Variants in DAG1 observed in about 807,000 individuals in gnomAD.
DAG1 encodes the protein dystroglycan 1.
Under a neutral mutation model 46.1 loss-of-function variants are expected in DAG1, and 8 were observed. The ratio of observed to expected loss-of-function variants is 0.17; its 90% CI spans 0.10 to 0.31. The LOEUF (loss-of-function observed/expected upper bound fraction) is 0.31, where lower values mean the gene tolerates loss of function less well. Among genes scored for constraint, DAG1 ranks in the 10% least tolerant of loss-of-function variants. DAG1 has a pLI of 1.00. For synonymous variants in DAG1, 495 were observed against 481.8 expected (o/e 1.03, Z -0.36); for missense variants, 1,003 against 1,189.9 (o/e 0.84, Z 2.31).
In DAG1 at chr3:49,493,036, C is replaced by CCT. The variant is rs2050227073; in HGVS notation, c.-116-17383_-116-17382insCT. 3.5e-5 allele frequency: 3 copies of CCT among 86,386 alleles called. No individual in the cohort carries two copies. In the South Asian group the frequency reaches 1.3e-3, roughly 38 times the overall value. The allele number at this position is 86,386 out of a possible 1,614,324, so 5.4% of individuals were successfully genotyped here. A position where few individuals can be genotyped will look rare whatever the true frequency, so the allele number is the denominator to read the frequency against. On this transcript the variant is annotated intron_variant, in intron 1 of 2. Coordinates refer to ENST00000308775, the MANE Select transcript of DAG1 (RefSeq NM_004393.6). ...CTTTGTGCAAATCATTATTTTTATT[C>CCT]TTTTTTTTTTTTTTTTTTTTTTTGA...
intron 2 of DAG1, among the ~76,000 whole-genome samples, chr3:49,526,581 G>GTA (rs1300020480): frequency 6.6e-6 from 1 of 152,180 alleles, no homozygotes; most frequent in Admixed American, 6.5e-5. Context: ...GCCGGGCATA[G>GTA]TGGCAGTCAC....
chr3:49,475,823 C>T (rs1474905670), intron 1 of DAG1, among the ~76,000 whole-genome samples: 1 of 151,788 alleles, frequency 6.6e-6, no homozygotes, highest in Non-Finnish European at 1.5e-5. Context: ...CCTGCCTCGG[C>T]CTCCCGAGTA....
intron 1 of DAG1, among the ~76,000 whole-genome samples, chr3:49,495,992 T>C (rs995509662): frequency 6.6e-6 from 1 of 151,960 alleles, no homozygotes; most frequent in African/African-American, 2.4e-5. Context: ...CTGGTCCTTA[T>C]CTTTGGCCTC....
chr3:49,533,134 G>A lies in DAG1; in HGVS notation c.2623G>A (p.Gly875Ser), dbSNP rs1381623431. 2 of 1,614,162 alleles carry A rather than the reference G, an allele frequency of 1.2e-6. No individual in the cohort carries two copies. The highest frequency in any genetic ancestry group is 3.3e-5 in the Admixed American group (2 of 60,022). The change falls in exon 3 of 3, where the codon GGC becomes AGC. Residue 875 changes from glycine (G) to serine (S), a missense_variant. By Grantham distance (56) the Gly-to-Ser change is moderately conservative. Coordinates refer to ENST00000308775, the MANE Select transcript of DAG1 (RefSeq NM_004393.6). ...ACCGCCCTTCACAGCACCCATGGAG[G>A]GCAAGGGCTCCCGTCCCAAGAACAT... is the stretch of plus-strand genomic sequence containing the variant. ...PPPPFTAPME[G>S]KGSRPKNMTP... is the part of the protein sequence containing the mutation.
intron 1 of DAG1, among the ~76,000 whole-genome samples, chr3:49,504,541 T>C (rs1324333053): frequency 7.3e-5 from 11 of 150,568 alleles, no homozygotes; most frequent in Admixed American, 2.7e-4. Context: ...CATTTGTCTA[T>C]GTATCTGTCC....
At chr3:49,528,850 C>CT (rs576246020) in intron 2 of DAG1, among the ~76,000 whole-genome samples, 1,627 of 137,220 alleles carry the variant, frequency 0.012, 17 homozygotes, top group South Asian at 0.031. Context: ...ATAATAACGC[C>CT]TTTTTTTTTT....
At chr3:49,476,784 C>T (rs2049693825) in intron 1 of DAG1, 2 of 152,064 alleles carry the variant, frequency 1.3e-5, no homozygotes, top group South Asian at 4.1e-4. Flanking sequence ...TGGAGTTGGT[C>T]AGTGTGGTAT....
intron 1 of DAG1, chr3:49,487,544 T>C (rs2050068262): frequency 2.0e-5 from 3 of 152,202 alleles, no homozygotes; most frequent in Admixed American, 2.0e-4. Context: ...CACTTGTATC[T>C]GTGTTCTCAC....
At chr3:49,499,305 C>T (rs1489895739) in intron 1 of DAG1, among the ~76,000 whole-genome samples, 1 of 152,102 alleles carries the variant, frequency 6.6e-6, no homozygotes, top group Non-Finnish European at 1.5e-5. Context: ...GAGGCCGAGG[C>T]AGGAGGATCA....
intron 2 of DAG1, among the ~76,000 whole-genome samples, chr3:49,512,747 T>A (rs1048562032): frequency 4.0e-5 from 6 of 149,994 alleles, no homozygotes; most frequent in Non-Finnish European, 8.9e-5. Context: ...GGAGGCAGAT[T>A]GCTTGAGCCC....
Position 49,532,676 on chromosome 3 carries a change from T to G in DAG1, c.2165T>G (p.Val722Gly), listed in dbSNP as rs746205372. Residue 722 changes from valine (V) to glycine (G), a missense_variant, in exon 3 of 3, where the codon GTA becomes GGA. Coordinates refer to ENST00000308775, the MANE Select transcript of DAG1 (RefSeq NM_004393.6). This position sits in a 1 kb window ranked among gnomAD's most constrained non-coding sequence, Gnocchi z 5.4. ...CGGCACCTACAGTTTATCCCTGTGG[T>G]ACCACCCAGGAGAGTGCCCTCAGAG... ...SCRHLQFIPV[V>G]PPRRVPSEAP... is the part of the protein sequence containing the mutation. 1 of 1,614,148 alleles carries G rather than the reference T, an allele frequency of 6.2e-7. No homozygotes were observed. Among genetic ancestry groups the G allele is most frequent in the Admixed American group, 1.7e-5 (1 of 60,030 alleles).
At chr3:49,522,451 A>G (rs1018867277) in intron 2 of DAG1, among the ~76,000 whole-genome samples, 1 of 144,550 alleles carries the variant, frequency 6.9e-6, no homozygotes, top group Non-Finnish European at 1.5e-5. Context: ...GGCTTGAGCC[A>G]CCACGCCCGC....
chr3:49,503,188 C>T (rs563846356), intron 1 of DAG1, among the ~76,000 whole-genome samples: 56 of 152,270 alleles, frequency 3.7e-4, no homozygotes, highest in African/African-American at 1.3e-3. Flanking sequence ...GGTGCTAGGG[C>T]AGCTCACAGC....
chr3:49,517,427 C>T (rs569950055), intron 2 of DAG1, among the ~76,000 whole-genome samples: 48 of 152,256 alleles, frequency 3.2e-4, no homozygotes, highest in African/African-American at 9.9e-4. Flanking sequence ...AGACTTCCCT[C>T]GTAGTTGTCT....
intron 2 of DAG1, among the ~76,000 whole-genome samples, chr3:49,528,371 G>A (rs1300496777): frequency 2.3e-5 from 3 of 133,094 alleles, no homozygotes; most frequent in Admixed American, 1.8e-4. Context: ...TGCAGCCTCT[G>A]TCTCCTGGGT....
At chr3:49,478,838 G>C (rs71324970) in intron 1 of DAG1, among the ~76,000 whole-genome samples, 2 of 67,238 alleles carry the variant, frequency 3.0e-5, no homozygotes, top group African/African-American at 1.2e-4. Context: ...TTTGGATACA[G>C]AATCTTGCAC....
chr3:49,478,019 C>T (rs1288362426), intron 1 of DAG1, among the ~76,000 whole-genome samples: 5 of 152,014 alleles, frequency 3.3e-5, no homozygotes, highest in Admixed American at 3.3e-4. Context: ...GTAATCCCAG[C>T]ACTTTGGGAG....
intron 2 of DAG1, among the ~76,000 whole-genome samples, chr3:49,525,025 G>A (rs1158184646): frequency 1.3e-5 from 2 of 151,798 alleles, no homozygotes; most frequent in Non-Finnish European, 2.9e-5. Context: ...TCAAAGTGCT[G>A]CTTGGGCCTG....
intron 2 of DAG1, among the ~76,000 whole-genome samples, chr3:49,521,626 T>A (rs2107775173): frequency 6.6e-6 from 1 of 152,198 alleles, no homozygotes; most frequent in Admixed American, 6.5e-5. Context: ...TTTTCTTTTT[T>A]GTAAAGACGA....
Sources: allele counts gnomAD v4.1 joint callset (sites outside exome capture counted in the v4.1 genomes callset), GRCh38; gene constraint gnomAD v4.1.1; non-coding constraint Gnocchi (gnomAD v3.1); transcripts MANE v1.5; gene names NCBI Gene and HGNC (gene_info 2026-07-23, HGNC 2026-07-21).